Variants in CCDC178 observed in about 807,000 individuals in gnomAD.
CCDC178 encodes the protein coiled-coil domain containing 178.
Under a neutral mutation model 117.4 loss-of-function variants are expected in CCDC178, and 126 were observed. The observed-to-expected ratio is 1.07, with a 90% CI of 0.93 to 1.24. The LOEUF (loss-of-function observed/expected upper bound fraction) is 1.24. Among genes scored for constraint, CCDC178 ranks in the 50% most tolerant of loss-of-function variants. CCDC178 has a pLI of 0.00. For missense variants in CCDC178, 1,030 were observed against 986.9 expected (o/e 1.04, Z -0.59); for synonymous variants, 283 against 313.4 (o/e 0.90, Z 1.02).
rs556504256 is a variant in CCDC178, at chr18:33,281,238, G to A, written c.1176+11921C>T. Among the ~76,000 whole-genome samples the A allele has an allele frequency of 2.0e-5, 3 of 152,052 alleles. No individual in the cohort carries two copies. The East Asian group carries it at 5.8e-4, about 29-fold the overall frequency. Reference sequence around the variant, plus strand: ...TTAAATATGTGCTATTTATTGCAATGAGAGTAAGTTTTCTTAGTTCTCCAT... The same window carrying A: ...TTAAATATGTGCTATTTATTGCAATAAGAGTAAGTTTTCTTAGTTCTCCAT... On this transcript the variant is annotated intron_variant, in intron 12 of 22. Coordinates refer to ENST00000383096, the MANE Select transcript of CCDC178 (RefSeq NM_001105528.4).
At chr18:33,057,859 C>G (rs2056857235) in intron 21 of CCDC178, among the ~76,000 whole-genome samples, 1 of 152,106 alleles carries the variant, frequency 6.6e-6, no homozygotes, top group Non-Finnish European at 1.5e-5. Context: ...TATTTTGTAT[C>G]TAGACACCAA....
intron 4 of CCDC178, among the ~76,000 whole-genome samples, chr18:33,391,058 T>C (rs918576804): frequency 4.6e-5 from 7 of 151,046 alleles, no homozygotes; most frequent in Non-Finnish European, 1.0e-4. Flanking sequence ...TGATAAAAGA[T>C]AGTGCTAATC....
chr18:33,021,226 A>G (rs565889216), intron 21 of CCDC178, among the ~76,000 whole-genome samples: 1 of 152,338 alleles, frequency 6.6e-6, no homozygotes, highest in African/African-American at 2.4e-5. Flanking sequence ...AAACATTTTG[A>G]TCTTGCATAT....
chr18:33,392,055 G>C (rs946661416), intron 4 of CCDC178, among the ~76,000 whole-genome samples: 5 of 151,708 alleles, frequency 3.3e-5, no homozygotes, highest in African/African-American at 1.2e-4. Flanking sequence ...AGTAGAGATG[G>C]GGTTTTGTCA....
intron 15 of CCDC178, among the ~76,000 whole-genome samples, chr18:33,240,008 TTTAAAA>T (rs1316637522): frequency 6.6e-6 from 1 of 151,994 alleles, no homozygotes; most frequent in African/African-American, 2.4e-5. Context: ...TTAAAACATT[TTTAAAA>T]TTAAAATTAA....
At chr18:33,308,081 C>T (rs1218387492) in intron 11 of CCDC178, among the ~76,000 whole-genome samples, 5 of 152,182 alleles carry the variant, frequency 3.3e-5, no homozygotes, top group Admixed American at 3.3e-4. Context: ...AGCCACTGTC[C>T]TCCAGACCCC....
intron 20 of CCDC178, among the ~76,000 whole-genome samples, chr18:33,113,748 T>C (rs2057814599): frequency 6.6e-6 from 1 of 152,046 alleles, no homozygotes; most frequent in Non-Finnish European, 1.5e-5. Context: ...CAGACTACTA[T>C]ATGAGAGGCT....
chr18:32,952,674 C>T (rs1336410644), intron 22 of CCDC178, among the ~76,000 whole-genome samples: 2 of 151,760 alleles, frequency 1.3e-5, no homozygotes, highest in Admixed American at 1.3e-4. Flanking sequence ...ACATTTGGCT[C>T]TTCATTACTT....
chr18:33,282,909 G>A (rs542019724), intron 12 of CCDC178, among the ~76,000 whole-genome samples: 1 of 152,078 alleles, frequency 6.6e-6, no homozygotes, highest in East Asian at 1.9e-4. Flanking sequence ...CTGCTTGCAG[G>A]GCACAGAGAA....
intron 20 of CCDC178, chr18:33,136,005 C>T (rs2058121658): frequency 6.6e-6 from 1 of 152,140 alleles, no homozygotes; most frequent in African/African-American, 2.4e-5. Context: ...ATAAATCTAG[C>T]AAATAAGATC....
intron 17 of CCDC178, among the ~76,000 whole-genome samples, chr18:33,223,665 T>C (rs1490419617): frequency 6.6e-6 from 1 of 152,126 alleles, no homozygotes; most frequent in Non-Finnish European, 1.5e-5. Context: ...CAAGAAGATG[T>C]AAAACCATGG....
chr18:33,096,046 G>A (rs1253856315), intron 20 of CCDC178, among the ~76,000 whole-genome samples: 1 of 151,534 alleles, frequency 6.6e-6, no homozygotes, highest in Non-Finnish European at 1.5e-5. Flanking sequence ...TTCCTTCTCT[G>A]TCAGCAAAAA....
intron 20 of CCDC178, among the ~76,000 whole-genome samples, chr18:33,199,207 G>C (rs1338390776): frequency 6.6e-6 from 1 of 151,914 alleles, no homozygotes; most frequent in African/African-American, 2.4e-5. Context: ...ATTGCAGTTA[G>C]TGTATACCTA....
intron 21 of CCDC178, among the ~76,000 whole-genome samples, chr18:33,072,204 T>C (rs1172767831): frequency 6.6e-6 from 1 of 152,198 alleles, no homozygotes; most frequent in Non-Finnish European, 1.5e-5. Flanking sequence ...GTTCTGCATT[T>C]AGATTATATT....
chr18:33,274,347 A>T (rs2059922429), intron 12 of CCDC178, among the ~76,000 whole-genome samples: 1 of 152,010 alleles, frequency 6.6e-6, no homozygotes, highest in South Asian at 2.1e-4. Context: ...ATAGTTCGGC[A>T]GTTCCTCAAA....
At chr18:33,268,190 G>C (rs529205216) in intron 12 of CCDC178, among the ~76,000 whole-genome samples, 1 of 151,584 alleles carries the variant, frequency 6.6e-6, no homozygotes, top group Non-Finnish European at 1.5e-5. Context: ...TACCCAAAAG[G>C]TATCTGAAAA....
intron 20 of CCDC178, among the ~76,000 whole-genome samples, chr18:33,210,942 AGATAT>A (rs1458142705): frequency 6.6e-6 from 1 of 152,078 alleles, no homozygotes; most frequent in African/African-American, 2.4e-5. Context: ...AGAACTAAGA[AGATAT>A]GTTCTTTCAC....
chr18:33,356,364 C>T lies in CCDC178; in HGVS notation c.349-18G>A. The T allele has an allele frequency of 6.8e-7, 1 of 1,471,966 alleles. No homozygotes were observed. Among genetic ancestry groups the T allele is most frequent in the Non-Finnish European group, 9.2e-7 (1 of 1,091,796 alleles). The allele number at this position is 1,471,966 out of a possible 1,614,324, so 91.2% of individuals were successfully genotyped here. On this transcript the variant is annotated intron_variant, in intron 6 of 22. Transcript: ENST00000383096. Reference sequence around the variant, plus strand: ...GTTTCAAACTGTCAAAACAAAAGATCTCAATAAAAATCAAATCTTAAACAT... The same window carrying T: ...GTTTCAAACTGTCAAAACAAAAGATTTCAATAAAAATCAAATCTTAAACAT...
chr18:33,234,593 T>A (rs2144659958), intron 15 of CCDC178, among the ~76,000 whole-genome samples: 1 of 152,166 alleles, frequency 6.6e-6, no homozygotes, highest in Non-Finnish European at 1.5e-5. Context: ...GAAATAAATT[T>A]TATCAAGAAA....
Sources: allele counts gnomAD v4.1 joint callset (sites outside exome capture counted in the v4.1 genomes callset), GRCh38; gene constraint gnomAD v4.1.1; transcripts MANE v1.5; gene names NCBI Gene and HGNC (gene_info 2026-07-23, HGNC 2026-07-21).